The following FAM81A variants were observed in gnomAD, a reference collection of about 807,000 sequenced individuals.
FAM81A encodes the protein family with sequence similarity 81 member A, also known as protein FAM81A.
Under a neutral mutation model 46.7 loss-of-function variants are expected in FAM81A, and 19 were observed. The observed-to-expected ratio is 0.41, with a 90% CI of 0.28 to 0.60. The LOEUF (loss-of-function observed/expected upper bound fraction) is 0.60, where lower values mean the gene tolerates loss of function less well. FAM81A is among the 20% of genes least tolerant of loss of function. FAM81A has a pLI of 0.34. For synonymous variants in FAM81A, 183 were observed against 152.9 expected (o/e 1.20, Z -1.45); for missense variants, 377 against 453.5 (o/e 0.83, Z 1.53).
At chr15:59,495,691 C>A (rs1453919877) in intron 4 of FAM81A, among the ~76,000 whole-genome samples, 2 of 152,168 alleles carry the variant, frequency 1.3e-5, no homozygotes, top group African/African-American at 2.4e-5. Context: ...TGTTTTCTAT[C>A]TTTTCGATTA....
chr15:59,461,708 A>G (rs1445214111), intron 3 of FAM81A, among the ~76,000 whole-genome samples: 3 of 151,802 alleles, frequency 2.0e-5, no homozygotes, highest in East Asian at 1.9e-4. Flanking sequence ...GTAATATTCT[A>G]TTTTCTGGAT....
At chr15:59,480,722 T>G (rs2081839659) in intron 3 of FAM81A, among the ~76,000 whole-genome samples, 1 of 152,126 alleles carries the variant, frequency 6.6e-6, no homozygotes, top group Non-Finnish European at 1.5e-5. Context: ...TTGAATTGAA[T>G]TGAAAATAAT....
chr15:59,514,967 G>A (rs1336277013), intron 7 of FAM81A, among the ~76,000 whole-genome samples: 2 of 152,104 alleles, frequency 1.3e-5, no homozygotes, highest in African/African-American at 4.8e-5. Flanking sequence ...GTCTTGTGCC[G>A]GGCACTGTGG....
chr15:59,480,644 A>G (rs2081838658), intron 3 of FAM81A, among the ~76,000 whole-genome samples: 3 of 152,170 alleles, frequency 2.0e-5, no homozygotes, highest in Non-Finnish European at 2.9e-5. Context: ...TGCTGCAAGA[A>G]AAGCAAGAAA....
intron 2 of FAM81A, among the ~76,000 whole-genome samples, chr15:59,419,394 C>T (rs1349394403): frequency 6.6e-6 from 1 of 152,184 alleles, no homozygotes; most frequent in Admixed American, 6.5e-5. Flanking sequence ...CCCCTAATCT[C>T]TCTTCTATGT....
At chr15:59,514,250 A>C in intron 6 of FAM81A, 39 bp from the exon 7 acceptor site, 1 of 1,508,230 alleles carries the variant, frequency 6.6e-7, no homozygotes, top group Non-Finnish European at 8.9e-7. Context: ...AATAAAAAAT[A>C]AACTGTTTTA....
At chr15:59,503,790 C>T (rs2082121159) in intron 4 of FAM81A, among the ~76,000 whole-genome samples, 1 of 152,152 alleles carries the variant, frequency 6.6e-6, no homozygotes, top group Admixed American at 6.5e-5. Flanking sequence ...CCGGGCTGGT[C>T]TCAAACTCCT....
chr15:59,409,523 C>A (rs1423514203), intron 2 of FAM81A, among the ~76,000 whole-genome samples: 1 of 152,164 alleles, frequency 6.6e-6, no homozygotes, highest in Admixed American at 6.5e-5. Context: ...AGTGCCCAGA[C>A]TCCTTGAAGA....
rs1471712190 is a variant in FAM81A at position 59,460,161 on chromosome 15, C to A, written c.249C>A (p.Ile83=). The A allele has an allele frequency of 5.0e-6, 8 of 1,614,016 alleles. No homozygotes were observed. The highest frequency in any genetic ancestry group is 6.8e-6 in the Non-Finnish European group (8 of 1,179,892). ...CCAGGCTTTTCTTGGAGGAGCATAT[C>A]AGAAACATAACTGCCATAGTGAAGC... ...RLARLFLEEH[I]RNITAIVKQL... Residue 83 remains isoleucine, a synonymous_variant, in exon 3 of 9, where the codon ATC becomes ATA. Coordinates refer to ENST00000288228, the MANE Select transcript of FAM81A (RefSeq NM_152450.3). This position sits in a 1 kb window ranked among gnomAD's most constrained non-coding sequence, Gnocchi z 4.4.
At chr15:59,514,711 A>G (rs563708208) in intron 7 of FAM81A, among the ~76,000 whole-genome samples, 1 of 152,360 alleles carries the variant, frequency 6.6e-6, no homozygotes, top group Non-Finnish European at 1.5e-5. Flanking sequence ...TCGTTTCTAC[A>G]TAAAACTAAG....
chr15:59,465,750 G>T (rs1381142295), intron 3 of FAM81A, among the ~76,000 whole-genome samples: 1 of 151,970 alleles, frequency 6.6e-6, no homozygotes, highest in African/African-American at 2.4e-5. Flanking sequence ...CAACGTGCAG[G>T]TTTGATACAT....
intron 4 of FAM81A, among the ~76,000 whole-genome samples, chr15:59,495,421 A>T (rs76971944): frequency 1.1e-4 from 16 of 152,268 alleles, no homozygotes; most frequent in African/African-American, 3.9e-4. Flanking sequence ...CCTGTTCATC[A>T]GTTGAACGTT....
At chr15:59,487,561 G>T (rs761358972) in intron 3 of FAM81A, among the ~76,000 whole-genome samples, 6 of 151,818 alleles carry the variant, frequency 4.0e-5, no homozygotes, top group African/African-American at 7.2e-5. Context: ...AATCAGAGAT[G>T]AAAAAGGAGA....
intron 1 of FAM81A, among the ~76,000 whole-genome samples, chr15:59,398,714 C>T (rs988193612): frequency 5.5e-5 from 7 of 127,218 alleles, no homozygotes; most frequent in African/African-American, 1.8e-4. Flanking sequence ...GCCAGGATCA[C>T]GTCACTGCAC....
chr15:59,454,880 T>C (rs1476261046), intron 1 of FAM81A, among the ~76,000 whole-genome samples: 2 of 150,334 alleles, frequency 1.3e-5, no homozygotes, highest in Non-Finnish European at 3.0e-5. Flanking sequence ...CAAGAAATCC[T>C]CCCACCTTAG....
At chr15:59,459,038 C>A (rs1395116265) in intron 2 of FAM81A, among the ~76,000 whole-genome samples, 1 of 152,216 alleles carries the variant, frequency 6.6e-6, no homozygotes, top group Non-Finnish European at 1.5e-5. Context: ...ACTCTGTTCC[C>A]CAGGCTAGAG....
chr15:59,472,513 T>G lies in FAM81A; in HGVS notation c.294+12307T>G, dbSNP rs145256014. On this transcript the variant is annotated intron_variant, in intron 3 of 8. Coordinates refer to ENST00000288228, the MANE Select transcript of FAM81A (RefSeq NM_152450.3). ...TACTCTTTGTGTCTTCTTCTCAACC[T>G]GCATAACCCAGCTTCCCTGTTGATT... Among the ~76,000 whole-genome samples, 12 of 152,034 alleles carry G rather than the reference T, an allele frequency of 7.9e-5. No homozygotes were observed. The East Asian group carries it at 2.3e-3, about 29-fold the overall frequency.
intron 1 of FAM81A, among the ~76,000 whole-genome samples, chr15:59,452,532 G>T (rs950017784): frequency 1.3e-5 from 2 of 152,116 alleles, no homozygotes; most frequent in South Asian, 2.1e-4. Context: ...CTGTGGTCCC[G>T]GCTAATCTGG....
chr15:59,476,287 A>G (rs2081767106), intron 3 of FAM81A, among the ~76,000 whole-genome samples: 1 of 150,180 alleles, frequency 6.7e-6, no homozygotes, highest in South Asian at 2.1e-4. Flanking sequence ...CAGTGGTATG[A>G]TCATGGCTCA....
Sources: allele counts gnomAD v4.1 joint callset (sites outside exome capture counted in the v4.1 genomes callset), GRCh38; gene constraint gnomAD v4.1.1; non-coding constraint Gnocchi (gnomAD v3.1); transcripts MANE v1.5; gene names NCBI Gene and HGNC (gene_info 2026-07-23, HGNC 2026-07-21).